Variants in NEB observed in about 807,000 individuals in gnomAD.
NEB encodes the protein nebulin.
NEB carries 512 observed loss-of-function variants against 952.2 expected under a neutral mutation model. The observed-to-expected ratio is 0.54, with a 90% CI of 0.50 to 0.58. The LOEUF is 0.58. NEB is among the 20% of genes least tolerant of loss of function. The probability of loss-of-function intolerance (pLI) is 0.00; values close to 1 mark genes in which losing one functional copy is unlikely to be tolerated. For missense variants in NEB, 8,428 were observed against 9,231.1 expected (o/e 0.91, Z 3.56); for synonymous variants, 2,900 against 3,149.8 (o/e 0.92, Z 2.66).
chr2:151,625,603 G>A lies in NEB; in HGVS notation c.10383C>T (p.Thr3461=). 1 of 1,605,370 alleles carries A rather than the reference G, an allele frequency of 6.2e-7. No individual in the cohort carries two copies. The highest frequency in any genetic ancestry group is 1.3e-5 in the African/African-American group (1 of 74,856). The change falls in exon 71 of 182, where the codon ACC becomes ACT. Residue 3461 remains threonine (T), a synonymous_variant. Transcript: ENST00000397345. ...LYTEAWDKDK[T]QVHIMPDTPE... ...GTGTATCAGGCATAATATGGACTTG[G>A]GTCTTGTCTTTGTCCCAGGCTTCTG...
rs1398932161 is a variant in NEB, at chr2:151,692,041, C to T, written c.2106+18G>A. 1.2e-6 allele frequency: 2 copies of T among 1,611,308 alleles called. No individual in the cohort carries two copies. The highest frequency in any genetic ancestry group is 1.7e-5 in the Admixed American group (1 of 59,990). The stretch of plus-strand genomic sequence containing the variant: ...AACAATGTCACTGTGAGGCATGAAC[C>T]ATTGTCTTCAAACTTACATCACTGT... On this transcript the variant is annotated intron_variant, in intron 22 of 181. Coordinates refer to ENST00000397345, the MANE Select transcript of NEB (RefSeq NM_001164508.2).
intron 10 of NEB, 133 bp from the exon 11 acceptor site, chr2:151,710,671 T>G: frequency 1.9e-6 from 1 of 531,584 alleles, no homozygotes. Flanking sequence ...TAAATGCCTT[T>G]AAAAAAAATC....
intron 50 of NEB, 126 bp from the exon 51 acceptor site, chr2:151,655,500 T>C (rs2099078383): frequency 1.3e-5 from 7 of 532,014 alleles, no homozygotes; most frequent in Non-Finnish European, 1.9e-5. Flanking sequence ...CTAAGTAGCA[T>C]ATAATTCAGA....
chr2:151,567,216 G>T lies in NEB; in HGVS notation c.18108C>A (p.Asp6036Glu). Reference sequence around the variant, plus strand: ...TTCTTGCCTGAATAACATCGTTCTGGTCAGGATGACACATCCATTGGTGCA... The same window carrying T: ...TTCTTGCCTGAATAACATCGTTCTGTTCAGGATGACACATCCATTGGTGCA... The part of the protein sequence containing the change: ...NYLHQWMCHP[D>E]QNDVIQARKA... Residue 6036 changes from aspartate to glutamate, a missense_variant, in exon 114 of 182, where the codon GAC becomes GAA. Around this residue, in one of 11 missense-constraint regions of NEB, gnomAD observed 3,374 missense variants for 3,651.5 expected, o/e 0.92. Coordinates refer to ENST00000397345, the MANE Select transcript of NEB (RefSeq NM_001164508.2). 1 of 1,613,444 alleles carries T rather than the reference G, an allele frequency of 6.2e-7. No individual in the cohort carries two copies.
At chr2:151,615,491 G>A (rs967036146) in intron 76 of NEB, among the ~76,000 whole-genome samples, 4 of 152,112 alleles carry the variant, frequency 2.6e-5, no homozygotes, top group Non-Finnish European at 4.4e-5. Flanking sequence ...TCTTGTGTCC[G>A]GTGAGGGACA....
At chr2:151,644,754 C>T (rs2098932001) in intron 55 of NEB, among the ~76,000 whole-genome samples, 179 bp from the exon 56 acceptor site, 1 of 152,194 alleles carries the variant, frequency 6.6e-6, no homozygotes. Flanking sequence ...AACTTTAAAG[C>T]TCTTCAATTA....
intron 71 of NEB, among the ~76,000 whole-genome samples, chr2:151,622,592 CTTATTA>C (rs1243891710): frequency 5.3e-5 from 8 of 151,968 alleles, no homozygotes; most frequent in Non-Finnish European, 8.8e-5. Flanking sequence ...CTTCATTTTA[CTTATTA>C]TTATTATTTT....
chr2:151,568,773 A>G lies in NEB; in HGVS notation c.17536-57T>C, dbSNP rs150746631. Reference sequence around the variant, plus strand: ...GTAATTCCTAGACATGTGTGAACTGAGAAGATACACTAAATTTAGAGTCCT... The same window carrying G: ...GTAATTCCTAGACATGTGTGAACTGGGAAGATACACTAAATTTAGAGTCCT... On this transcript the variant is annotated intron_variant, in intron 110 of 181. Transcript: ENST00000397345. 41 of 1,229,810 alleles carry G rather than the reference A, an allele frequency of 3.3e-5. No individual in the cohort carries two copies. In the African/African-American group the frequency reaches 5.7e-4, roughly 17 times the overall value. The allele number at this position is 1,229,810 out of a possible 1,614,324, so 76.2% of individuals were successfully genotyped here. A position where few individuals can be genotyped will look rare whatever the true frequency, so the allele number is the denominator to read the frequency against.
At chr2:151,610,739 G>C (rs2097918888) in intron 79 of NEB, 23 bp downstream of exon 79, 3 of 1,595,288 alleles carry the variant, frequency 1.9e-6, no homozygotes, top group Non-Finnish European at 2.6e-6. Context: ...TTAGGTTTAA[G>C]CAACAATCAG....
intron 67 of NEB, 143 bp downstream of exon 67, chr2:151,630,572 T>G (rs1460619931): frequency 3.2e-6 from 2 of 629,402 alleles, no homozygotes; most frequent in Non-Finnish European, 5.5e-6. Context: ...AATGTAATAT[T>G]TAACCCAGAG....
At position 151,528,140 on chromosome 2, in the gene NEB, C is replaced by G. The variant is rs374002871; in HGVS notation, c.21736-555G>C. Among the ~76,000 whole-genome samples, 7 of 152,204 alleles carry G rather than the reference C, an allele frequency of 4.6e-5. No homozygotes were observed. The East Asian group carries it at 1.2e-3, about 25-fold the overall frequency. ...CAATTGGTGGAGCTGGAATTTAAAC[C>G]CAGGCAGTCTGGCTGCAGAGGGGCT... On this transcript the variant is annotated intron_variant, in intron 146 of 181. Coordinates refer to ENST00000397345, the MANE Select transcript of NEB (RefSeq NM_001164508.2).
chr2:151,630,685 C>T, intron 67 of NEB, 30 bp downstream of exon 67: 2 of 1,531,642 alleles, frequency 1.3e-6, no homozygotes, highest in South Asian at 2.3e-5. Context: ...ACCACCACCA[C>T]AATATAGCAC....
chr2:151,695,570 G>A lies in NEB; in HGVS notation c.1674+8C>T. 1 of 1,604,932 alleles carries A rather than the reference G, an allele frequency of 6.2e-7. No homozygotes were observed. Among genetic ancestry groups the A allele is most frequent in the East Asian group, 2.2e-5 (1 of 44,814 alleles). ...TACATCACATGGTACAGGGCATAAGGAACTTACATCACTCAAGTTATAGGC... is the reference window on the plus strand; with the variant it reads ...TACATCACATGGTACAGGGCATAAGAAACTTACATCACTCAAGTTATAGGC... On this transcript the variant is annotated splice_region_variant and intron_variant, in intron 18 of 181. Coordinates refer to ENST00000397345, the MANE Select transcript of NEB (RefSeq NM_001164508.2).
At chr2:151,733,072 G>A (rs2099812860) in intron 3 of NEB, 49 bp downstream of exon 3, 1 of 1,523,262 alleles carries the variant, frequency 6.6e-7, no homozygotes, top group Non-Finnish European at 8.9e-7. Context: ...AGCTTTGATT[G>A]TCACTACATA....
chr2:151,543,622 C>T (rs1559738503), intron 135 of NEB, among the ~76,000 whole-genome samples: 1 of 152,114 alleles, frequency 6.6e-6, no homozygotes, highest in Non-Finnish European at 1.5e-5. Context: ...CCAATTCTCC[C>T]AAGCAATTTT....
intron 156 of NEB, among the ~76,000 whole-genome samples, chr2:151,517,574 CATT>C (rs1262877306): frequency 1.3e-5 from 2 of 152,268 alleles, no homozygotes; most frequent in East Asian, 3.9e-4. Flanking sequence ...GCAATTTCAT[CATT>C]GTGTGAACAT....
intron 107 of NEB, among the ~76,000 whole-genome samples, chr2:151,571,875 A>C (rs1432935230): frequency 6.6e-6 from 1 of 152,236 alleles, no homozygotes; most frequent in African/African-American, 2.4e-5. Flanking sequence ...TAGCTTTTGC[A>C]TGTCTGAAAA....
intron 13 of NEB, among the ~76,000 whole-genome samples, chr2:151,698,015 G>A (rs902669058): frequency 6.6e-5 from 10 of 152,296 alleles, no homozygotes; most frequent in Admixed American, 1.3e-4. Context: ...GCAGTGAGCC[G>A]AGATGGCGCC....
chr2:151,509,951 A>AAAT (rs1299431233), intron 161 of NEB, among the ~76,000 whole-genome samples: 1 of 152,230 alleles, frequency 6.6e-6, no homozygotes, highest in Non-Finnish European at 1.5e-5. Context: ...GAAGGCCTGG[A>AAAT]AATTATCACC....
Sources: allele counts gnomAD v4.1 joint callset (sites outside exome capture counted in the v4.1 genomes callset), GRCh38; gene constraint gnomAD v4.1.1; regional missense constraint gnomAD v4.1.1; transcripts MANE v1.5; gene names NCBI Gene and HGNC (gene_info 2026-07-23, HGNC 2026-07-21).